CDH4: variants seen among roughly 807,000 people sequenced by gnomAD.
CDH4 encodes the protein cadherin 4.
In CDH4, 33 loss-of-function variants were observed where a neutral mutation model predicts 86.0. That is an observed-to-expected ratio of 0.38 (90% CI 0.29 to 0.51). CDH4 has a LOEUF of 0.51. Among genes scored for constraint, CDH4 ranks in the 20% least tolerant of loss-of-function variants. CDH4 has a pLI of 0.86. For synonymous variants in CDH4, 555 were observed against 549.4 expected, an observed-to-expected ratio of 1.01 and a Z score of -0.14; for missense variants, 1,114 against 1,307.4, an observed-to-expected ratio of 0.85 and a Z score of 2.28.
At position 61,623,705 on chromosome 20, in the gene CDH4, G is replaced by T. The variant is rs937746222; in HGVS notation, c.170-119858G>T. Among the ~76,000 whole-genome samples the T allele has an allele frequency of 6.6e-6, 1 of 152,082 alleles. No individual in the cohort carries two copies. The highest frequency in any genetic ancestry group is 1.5e-5 in the Non-Finnish European group (1 of 68,014). On this transcript the variant is annotated intron_variant, in intron 2 of 15. Coordinates refer to ENST00000614565, the MANE Select transcript of CDH4 (RefSeq NM_001794.5). This position sits in a 1 kb window ranked among gnomAD's most constrained non-coding sequence, Gnocchi z 4.4. ...ACCAGCCATCCCCAGGAGAAGGCTG[G>T]TTTTAGTGCATCACTGAGCGCAAAG...
chr20:61,726,226 C>T (rs1262305021), intron 2 of CDH4, among the ~76,000 whole-genome samples: 3 of 151,966 alleles, frequency 2.0e-5, no homozygotes, highest in East Asian at 1.9e-4. Context: ...AAACAGGAGC[C>T]GAAAAGCAGC....
At chr20:61,418,006 TAGAC>T (rs1426920285) in intron 2 of CDH4, among the ~76,000 whole-genome samples, 1 of 151,970 alleles carries the variant, frequency 6.6e-6, no homozygotes, top group Non-Finnish European at 1.5e-5. Flanking sequence ...CCTGCTTCCT[TAGAC>T]AGATCACAAG....
rs142793754 is a variant in CDH4 at position 61,293,007 on chromosome 20, G to T, written c.169+38070G>T. Among the ~76,000 whole-genome samples, 984 of 152,276 alleles carry T rather than the reference G, an allele frequency of 6.5e-3. 11 individuals are homozygous for T. The highest frequency in any genetic ancestry group is 0.023 in the African/African-American group (948 of 41,580). ...GCCGGGGTCTGCGGCGACCTGCCTA[G>T]GGGCCTGGCTGTGGCTGGGTGTGGT... On this transcript the variant is annotated intron_variant, in intron 2 of 15. Transcript: ENST00000614565.
At chr20:61,463,288 C>T (rs542246242) in intron 2 of CDH4, among the ~76,000 whole-genome samples, 11 of 152,240 alleles carry the variant, frequency 7.2e-5, no homozygotes, top group South Asian at 2.1e-4. Flanking sequence ...AGGTGGGCAC[C>T]GGGGCAGGAG....
intron 2 of CDH4, among the ~76,000 whole-genome samples, chr20:61,737,797 T>A (rs546377228): frequency 3.9e-5 from 6 of 152,146 alleles, no homozygotes; most frequent in Admixed American, 3.9e-4. Flanking sequence ...TTTGTCCCCC[T>A]CCCCGAGTCC....
At position 61,936,854 on chromosome 20, in the gene CDH4, T is replaced by G; in HGVS notation, c.2662T>G (p.Ser888Ala). Residue 888 changes from serine (S) to alanine (A), a missense_variant, in exon 16 of 16, where the codon TCC becomes GCC. Transcript: ENST00000614565. ...CGTCAGCTCCCTGAACTCATCCAGT[T>G]CCGGGGACCAAGACTACGATTACCT... The part of the protein sequence containing the change: ...GSVSSLNSSS[S>A]GDQDYDYLND... The G allele has an allele frequency of 6.2e-7, 1 of 1,608,788 alleles. No individual in the cohort carries two copies. The highest frequency in any genetic ancestry group is 8.5e-7 in the Non-Finnish European group (1 of 1,178,448).
intron 4 of CDH4, among the ~76,000 whole-genome samples, chr20:61,825,489 A>G (rs562937296): frequency 4.9e-4 from 75 of 152,248 alleles, no homozygotes; most frequent in Middle Eastern, 6.8e-3. Flanking sequence ...CACTCCTAAG[A>G]ATGTTACTGA....
chr20:61,452,033 GC>G lies in CDH4; in HGVS notation c.169+197100del, dbSNP rs1345379600. 7.2e-5 allele frequency among the ~76,000 whole-genome samples: 11 copies of G among 152,298 alleles called. No homozygotes were observed. In the East Asian group the frequency reaches 2.1e-3, roughly 29 times the overall value. Reference sequence around the variant, plus strand: ...CAGTGTCCTTCAGAAAACGGCTGTGGCCCCTTCCTGAGAACCTGGAGCATTC... The same window carrying G: ...CAGTGTCCTTCAGAAAACGGCTGTGGCCCTTCCTGAGAACCTGGAGCATTC... On this transcript the variant is annotated intron_variant, in intron 2 of 15. Transcript: ENST00000614565.
intron 2 of CDH4, among the ~76,000 whole-genome samples, chr20:61,273,924 G>T (rs1422906829): frequency 6.7e-6 from 1 of 148,328 alleles, no homozygotes; most frequent in Non-Finnish European, 1.5e-5. Flanking sequence ...ACCATGTACA[G>T]TTTGGAGGAG....
Position 61,432,326 on chromosome 20 carries a change from T to C in CDH4, c.169+177389T>C, listed in dbSNP as rs575951933. On this transcript the variant is annotated intron_variant, in intron 2 of 15. Coordinates refer to ENST00000614565, the MANE Select transcript of CDH4 (RefSeq NM_001794.5). ...GGTCAGTTCTTTAAATTATGGCCAT[T>C]CTAGTGAGTGGGGCTTCATTCTAAT... 1.1e-4 allele frequency among the ~76,000 whole-genome samples: 16 copies of C among 152,322 alleles called. 1 individual carries two copies. Among genetic ancestry groups the C allele is most frequent in the African/African-American group, 3.1e-4 (13 of 41,566 alleles).
intron 2 of CDH4, among the ~76,000 whole-genome samples, chr20:61,382,627 G>A (rs540578262): frequency 5.3e-5 from 8 of 152,286 alleles, no homozygotes; most frequent in East Asian, 3.9e-4. Flanking sequence ...ATGCAGGTGC[G>A]AGCAGGGCCA....
chr20:61,609,570 A>G (rs2086669472), intron 2 of CDH4, among the ~76,000 whole-genome samples: 1 of 152,180 alleles, frequency 6.6e-6, no homozygotes, highest in African/African-American at 2.4e-5. Flanking sequence ...GAGAAGGTGG[A>G]GACCCAGCAC....
chr20:61,848,096 C>T (rs1982540601), intron 5 of CDH4, among the ~76,000 whole-genome samples: 1 of 152,402 alleles, frequency 6.6e-6, no homozygotes, highest in South Asian at 2.1e-4. Context: ...TGCAGTGCCT[C>T]TGTAGATGGT....
At chr20:61,806,258 G>C (rs1568826375) in intron 4 of CDH4, among the ~76,000 whole-genome samples, 2 of 152,230 alleles carry the variant, frequency 1.3e-5, no homozygotes, top group Non-Finnish European at 2.9e-5. Context: ...CTGGTTGGGG[G>C]TGGAGTGTTC....
At chr20:61,411,959 G>C (rs1182395512) in intron 2 of CDH4, among the ~76,000 whole-genome samples, 1 of 152,186 alleles carries the variant, frequency 6.6e-6, no homozygotes, top group Non-Finnish European at 1.5e-5. Context: ...GGGTGACTGT[G>C]GGCACTGGTC....
rs1256511900 is a variant in CDH4 at position 61,518,594 on chromosome 20, C to T, written c.170-224969C>T. Among the ~76,000 whole-genome samples the T allele has an allele frequency of 6.6e-6, 1 of 151,932 alleles. No homozygotes were observed. Among genetic ancestry groups the T allele is most frequent in the Non-Finnish European group, 1.5e-5 (1 of 67,988 alleles). ...TCTATCCATCCATATATCATCCATC[C>T]ATCATCATCCACTCATCCATCCATC... is the stretch of plus-strand genomic sequence containing the variant. On this transcript the variant is annotated intron_variant, in intron 2 of 15. Coordinates refer to ENST00000614565, the MANE Select transcript of CDH4 (RefSeq NM_001794.5). This position sits in a 1 kb window ranked among gnomAD's most constrained non-coding sequence, Gnocchi z 6.3.
At chr20:61,895,080 GC>G in intron 8 of CDH4, 33 bp downstream of exon 8, 1 of 1,609,366 alleles carries the variant, frequency 6.2e-7, no homozygotes, top group Non-Finnish European at 8.5e-7. Context: ...GTGACGCATG[GC>G]CCGTGCAGGG....
At chr20:61,382,051 G>A (rs1430409095) in intron 2 of CDH4, among the ~76,000 whole-genome samples, 1 of 150,574 alleles carries the variant, frequency 6.6e-6, no homozygotes, top group Non-Finnish European at 1.5e-5. Flanking sequence ...ACTCCAGCCT[G>A]GAAAACAAGA....
chr20:61,531,065 TGCTG>T (rs879894838), intron 2 of CDH4, among the ~76,000 whole-genome samples: 19,774 of 152,108 alleles, frequency 0.13, 1,376 homozygotes, highest in African/African-American at 0.16. Flanking sequence ...TGCTGAGGGC[TGCTG>T]AGGGAAATTC....
Sources: gnomAD v4.1 joint callset for allele counts (sites outside exome capture counted in the v4.1 genomes callset) on GRCh38, gnomAD v4.1.1 for gene constraint, Gnocchi (gnomAD v3.1) non-coding constraint, MANE v1.5 for transcripts, NCBI Gene and HGNC (gene_info 2026-07-23, HGNC 2026-07-21) for gene names.